The following SUPV3L1 variants were observed in gnomAD, a reference collection of about 807,000 sequenced individuals.
SUPV3L1 encodes Suv3 like RNA helicase.
Under a neutral mutation model 70.0 loss-of-function variants are expected in SUPV3L1, and 35 were observed. The observed-to-expected ratio is 0.50, with a 90% CI of 0.38 to 0.66. The LOEUF (loss-of-function observed/expected upper bound fraction) is 0.66. SUPV3L1 is among the 30% of genes least tolerant of loss of function. SUPV3L1 has a pLI of 0.00. For missense variants in SUPV3L1, 777 were observed against 961.5 expected, an observed-to-expected ratio of 0.81 and a Z score of 2.54; for synonymous variants, 364 against 341.9, an observed-to-expected ratio of 1.06 and a Z score of -0.71.
intron 11 of SUPV3L1, 25 bp downstream of exon 11, chr10:69,200,524 G>C (rs1237462779): frequency 6.4e-7 from 1 of 1,571,702 alleles, no homozygotes; most frequent in East Asian, 2.2e-5. Flanking sequence ...GTTAACTACT[G>C]CTTCTCTGTG....
chr10:69,202,410 C>G (rs1282629362), intron 11 of SUPV3L1, 29 bp from the exon 12 acceptor site: 1 of 1,584,046 alleles, frequency 6.3e-7, no homozygotes, highest in Admixed American at 1.8e-5. Context: ...AAAAAATCAG[C>G]TTATGATTGT....
In SUPV3L1 at chr10:69,180,565, G is replaced by T; in HGVS notation, c.271+3G>T. The T allele has an allele frequency of 6.2e-7, 1 of 1,613,594 alleles. No homozygotes were observed. The highest frequency in any genetic ancestry group is 1.1e-5 in the South Asian group (1 of 91,060). ...GCTAACCCGGCCTCTGGACAAGAGTGAGTGCGGGAACTACTGAGGGCGGCA... is the reference window on the plus strand; with the variant it reads ...GCTAACCCGGCCTCTGGACAAGAGTTAGTGCGGGAACTACTGAGGGCGGCA... On this transcript the variant is annotated splice_donor_region_variant and intron_variant, in intron 1 of 14. Transcript: ENST00000359655.
At chr10:69,200,114 T>C (rs10998637) in intron 10 of SUPV3L1, among the ~76,000 whole-genome samples, 166 bp from the exon 11 acceptor site, 6,337 of 152,192 alleles carry the variant, frequency 0.042, 459 homozygotes, top group African/African-American at 0.14. Flanking sequence ...CCCAAAGTGC[T>C]GGGATTATGG....
chr10:69,207,409 G>A (rs1263079795), intron 13 of SUPV3L1, among the ~76,000 whole-genome samples: 1 of 152,176 alleles, frequency 6.6e-6, no homozygotes, highest in East Asian at 1.9e-4. Context: ...ACCTCCCTGG[G>A]CTCAGTAATC....
chr10:69,194,529 T>C (rs548444052), intron 6 of SUPV3L1, among the ~76,000 whole-genome samples: 1 of 152,154 alleles, frequency 6.6e-6, no homozygotes, highest in South Asian at 2.1e-4. Flanking sequence ...TTTTTGTATC[T>C]TTAGTGGAGA....
At chr10:69,188,166 C>T (rs1419569180) in intron 4 of SUPV3L1, among the ~76,000 whole-genome samples, 6 of 152,148 alleles carry the variant, frequency 3.9e-5, no homozygotes, top group South Asian at 2.1e-4. Flanking sequence ...TAGACCCTGC[C>T]GATTCTTACC....
At chr10:69,204,204 G>A (rs1401078125) in intron 13 of SUPV3L1, among the ~76,000 whole-genome samples, 1 of 152,104 alleles carries the variant, frequency 6.6e-6, no homozygotes, top group Non-Finnish European at 1.5e-5. Context: ...AGTGAGGGAA[G>A]CGGTTCAGAA....
At chr10:69,187,535 C>T in intron 3 of SUPV3L1, 107 bp from the exon 4 acceptor site, 3 of 697,112 alleles carry the variant, frequency 4.3e-6, no homozygotes, top group Non-Finnish European at 7.1e-6. Flanking sequence ...TTCTTTTTAC[C>T]CTGGCAGTGC....
At chr10:69,188,012 T>C (rs1842280441) in intron 4 of SUPV3L1, among the ~76,000 whole-genome samples, 2 of 152,178 alleles carry the variant, frequency 1.3e-5, no homozygotes, top group South Asian at 4.1e-4. Context: ...TGTCCTTAAG[T>C]GTAAGCTATG....
intron 1 of SUPV3L1, among the ~76,000 whole-genome samples, chr10:69,184,343 A>G (rs924985525): frequency 1.3e-5 from 2 of 152,028 alleles, no homozygotes; most frequent in Non-Finnish European, 2.9e-5. Context: ...GGCCTGACCA[A>G]CATGGAGAAA....
chr10:69,201,376 C>G (rs1048621268), intron 11 of SUPV3L1, among the ~76,000 whole-genome samples: 1 of 152,166 alleles, frequency 6.6e-6, no homozygotes, highest in African/African-American at 2.4e-5. Flanking sequence ...AGAGAACTCA[C>G]TTCCAGTTTA....
At chr10:69,199,078 T>G in intron 9 of SUPV3L1, 26 bp from the exon 10 acceptor site, 1 of 1,574,120 alleles carries the variant, frequency 6.4e-7, no homozygotes, top group Non-Finnish European at 8.7e-7. Flanking sequence ...AGAACACTGA[T>G]TTAACATAAA....
In SUPV3L1 at chr10:69,180,416, T is replaced by C. The variant is rs765768178; in HGVS notation, c.125T>C (p.Val42Ala). 3 of 1,614,204 alleles carry C rather than the reference T, an allele frequency of 1.9e-6. No homozygotes were observed. The East Asian group carries it at 6.7e-5, about 36-fold the overall frequency. The change falls in exon 1 of 15, where the codon GTT becomes GCT. Residue 42 changes from valine (V) to alanine (A), a missense_variant. Val to Ala is a moderately conservative substitution (Grantham distance 64). This residue lies in a region of SUPV3L1 where 158 missense variants were observed against 138.3 expected (regional missense o/e 1.14). Transcript: ENST00000359655. Reference sequence around the variant, plus strand: ...CCCTTTCCCGGGGTTCTGGGGCAAGTTTCTGTCCTTGCCACCGCCTCCTCC... The same window carrying C: ...CCCTTTCCCGGGGTTCTGGGGCAAGCTTCTGTCCTTGCCACCGCCTCCTCC... ...FGPFPGVLGQ[V>A]SVLATASSSA... is the part of the protein sequence containing the mutation.
At chr10:69,194,355 A>C (rs191035046) in intron 6 of SUPV3L1, among the ~76,000 whole-genome samples, 37 of 150,492 alleles carry the variant, frequency 2.5e-4, no homozygotes, top group African/African-American at 8.5e-4. Context: ...AGAAAAAAAA[A>C]CCTTTTTTTT....
intron 1 of SUPV3L1, among the ~76,000 whole-genome samples, chr10:69,181,671 A>G (rs1048228441): frequency 6.6e-6 from 1 of 152,154 alleles, no homozygotes; most frequent in South Asian, 2.1e-4. Context: ...GCATCATCAC[A>G]TGGTGGAAGG....
At chr10:69,188,483 C>G (rs1394874147) in intron 4 of SUPV3L1, among the ~76,000 whole-genome samples, 1 of 138,788 alleles carries the variant, frequency 7.2e-6, no homozygotes, top group Non-Finnish European at 1.6e-5. Flanking sequence ...TGTATTTTGC[C>G]CCACTTTGTA....
chr10:69,202,724 A>T, intron 12 of SUPV3L1, 143 bp from the exon 13 acceptor site: 1 of 1,012,114 alleles, frequency 9.9e-7, no homozygotes, highest in Non-Finnish European at 1.5e-6. Flanking sequence ...GTGGGGAAGG[A>T]TATGAGGGAG....
At chr10:69,202,657 T>C in intron 12 of SUPV3L1, 138 bp downstream of exon 12, 1 of 1,124,390 alleles carries the variant, frequency 8.9e-7, no homozygotes. Flanking sequence ...AAGTGAAAAT[T>C]TTTTCTCAAA....
At chr10:69,192,275 A>G (rs10823312) in intron 6 of SUPV3L1, 80,567 of 152,640 alleles carry the variant, frequency 0.53, 23,693 homozygotes, top group Middle Eastern at 0.76. Context: ...TTCTCTTAAA[A>G]GAGCTGAAAT....
Sources: gnomAD v4.1 joint callset for allele counts (sites outside exome capture counted in the v4.1 genomes callset) on GRCh38, gnomAD v4.1.1 for gene constraint, gnomAD v4.1.1 regional missense constraint, MANE v1.5 for transcripts, NCBI Gene and HGNC (gene_info 2026-07-23, HGNC 2026-07-21) for gene names.